Variants in LRRC69 observed in about 807,000 individuals in gnomAD.
The protein encoded by LRRC69 is leucine rich repeat containing 69, also known as leucine-rich repeat-containing protein 69.
In LRRC69, 42 loss-of-function variants were observed where a neutral mutation model predicts 37.8. The observed-to-expected ratio is 1.11, with a 90% CI of 0.87 to 1.44. The LOEUF is 1.44. LRRC69 is among the 40% of genes most tolerant of loss of function. The probability of loss-of-function intolerance (pLI) is 0.00; values close to 1 mark genes in which losing one functional copy is unlikely to be tolerated. For synonymous variants in LRRC69, 141 were observed against 143.1 expected (o/e 0.99, Z 0.11); for missense variants, 357 against 401.9 (o/e 0.89, Z 0.96).
At chr8:91,188,244 T>C (rs1809436320) in intron 5 of LRRC69, among the ~76,000 whole-genome samples, 1 of 152,230 alleles carries the variant, frequency 6.6e-6, no homozygotes, top group Non-Finnish European at 1.5e-5. Context: ...TTTCCTGTAC[T>C]TTTGAAACCT....
intron 5 of LRRC69, among the ~76,000 whole-genome samples, chr8:91,182,410 T>C (rs796691261): frequency 1.3e-5 from 2 of 152,274 alleles, no homozygotes; most frequent in African/African-American, 4.8e-5. Flanking sequence ...ACTAAAACAT[T>C]ATAATACAAA....
chr8:91,133,166 GAGAACTTTGTTTTC>G lies in LRRC69; in HGVS notation c.441_454del (p.Arg147SerfsTer2), dbSNP rs561080000. On this transcript the variant is annotated frameshift_variant, in exon 4 of 8. Coordinates refer to ENST00000448384, the Ensembl canonical transcript of LRRC69. LOFTEE classifies it high-confidence loss of function. Reference sequence around the variant, plus strand: ...TATAACCAACTAGCCAGCATTCCTAGAGAACTTTGTTTTCTTGAGAATCTTGTTGAACTTCAACT... The same window carrying G: ...TATAACCAACTAGCCAGCATTCCTAGTTGAGAATCTTGTTGAACTTCAACT... 8.1e-5 allele frequency: 125 copies of G among 1,541,058 alleles called. 2 individuals are homozygous for G. In the South Asian group the frequency reaches 1.3e-3, roughly 16 times the overall value.
At chr8:91,118,510 C>CA (rs1170060617) in intron 1 of LRRC69, 1 of 270,760 alleles carries the variant, frequency 3.7e-6, no homozygotes, top group African/African-American at 2.3e-5. Context: ...GCCTGGGTGA[C>CA]AGAGTGAGAC....
chr8:91,205,223 A>G (rs1201589098), intron 7 of LRRC69, among the ~76,000 whole-genome samples: 1 of 152,178 alleles, frequency 6.6e-6, no homozygotes, highest in Non-Finnish European at 1.5e-5. Context: ...CAAGAGTTAC[A>G]GTGGATAACA....
chr8:91,111,526 T>C (rs186492387), intron 1 of LRRC69, among the ~76,000 whole-genome samples: 26 of 152,060 alleles, frequency 1.7e-4, no homozygotes, highest in African/African-American at 6.3e-4. Context: ...AAAGTGAGAC[T>C]CCATCTCAAA....
intron 6 of LRRC69, among the ~76,000 whole-genome samples, chr8:91,195,016 T>C (rs1054218664): frequency 6.6e-6 from 1 of 152,238 alleles, no homozygotes; most frequent in Admixed American, 6.5e-5. Flanking sequence ...GTGCTTTGCA[T>C]GTGTCCCAGA....
At chr8:91,195,022 C>T (rs1421497172) in intron 6 of LRRC69, among the ~76,000 whole-genome samples, 9 of 152,082 alleles carry the variant, frequency 5.9e-5, no homozygotes, top group African/African-American at 2.4e-5. Context: ...TGCATGTGTC[C>T]CAGAGATTCT....
chr8:91,160,293 G>T (rs897476079), intron 5 of LRRC69, among the ~76,000 whole-genome samples: 1 of 148,672 alleles, frequency 6.7e-6, no homozygotes, highest in Non-Finnish European at 1.5e-5. Flanking sequence ...GGAATCTTTA[G>T]TTTTTTGTTT....
intron 1 of LRRC69, among the ~76,000 whole-genome samples, chr8:91,114,375 A>C (rs1188851571): frequency 6.6e-6 from 1 of 152,002 alleles, no homozygotes; most frequent in African/African-American, 2.4e-5. Context: ...CGTTATTCAC[A>C]ATAGCCAAGA....
chr8:91,136,256 A>G (rs935802422), intron 5 of LRRC69, among the ~76,000 whole-genome samples: 1 of 151,854 alleles, frequency 6.6e-6, no homozygotes, highest in African/African-American at 2.4e-5. Flanking sequence ...TTCCTATTGC[A>G]TTTTTATATC....
chr8:91,102,829 A>T (rs1426090804), exon 1 of LRRC69: 1 of 1,545,950 alleles, frequency 6.5e-7, no homozygotes, highest in Non-Finnish European at 8.7e-7. Context: ...GTCCAGAGTT[A>T]TGCAACTTGA....
intron 7 of LRRC69, among the ~76,000 whole-genome samples, chr8:91,209,255 C>T (rs892681175): frequency 3.3e-5 from 5 of 151,532 alleles, no homozygotes; most frequent in Admixed American, 2.6e-4. Context: ...GGTGAAACCT[C>T]GTCTCTACTA....
At chr8:91,135,042 G>A (rs1446367606) in intron 4 of LRRC69, among the ~76,000 whole-genome samples, 1 of 152,024 alleles carries the variant, frequency 6.6e-6, no homozygotes, top group Admixed American at 6.6e-5. Flanking sequence ...CGACAGCAAC[G>A]GAAGTAATGC....
At chr8:91,191,952 G>A (rs923095765) in intron 6 of LRRC69, among the ~76,000 whole-genome samples, 7 of 150,808 alleles carry the variant, frequency 4.6e-5, no homozygotes, top group South Asian at 2.1e-4. Flanking sequence ...CCACTAACTC[G>A]TCATCTAGCA....
intron 1 of LRRC69, among the ~76,000 whole-genome samples, chr8:91,113,265 T>A (rs1386860950): frequency 6.6e-6 from 1 of 151,906 alleles, no homozygotes; most frequent in African/African-American, 2.4e-5. Context: ...CAAAACAATA[T>A]TGAGCAAAGA....
At chr8:91,202,906 C>A (rs770768944) in intron 7 of LRRC69, among the ~76,000 whole-genome samples, 1 of 152,068 alleles carries the variant, frequency 6.6e-6, no homozygotes, top group Non-Finnish European at 1.5e-5. Flanking sequence ...AGATGATGAT[C>A]GCAGTGGCAA....
At chr8:91,152,649 C>T (rs35234461) in intron 5 of LRRC69, among the ~76,000 whole-genome samples, 7,957 of 151,194 alleles carry the variant, frequency 0.053, 299 homozygotes, top group Middle Eastern at 0.16. Context: ...AAGTAGTTTT[C>T]TCTAATTCTG....
chr8:91,184,598 T>C (rs1390289920), intron 5 of LRRC69, among the ~76,000 whole-genome samples: 2 of 152,322 alleles, frequency 1.3e-5, no homozygotes, highest in East Asian at 1.9e-4. Flanking sequence ...GCATATCTCA[T>C]GCACATGTGA....
chr8:91,155,455 T>C (rs1031284664), intron 5 of LRRC69, among the ~76,000 whole-genome samples: 9 of 150,858 alleles, frequency 6.0e-5, no homozygotes, highest in African/African-American at 2.2e-4. Flanking sequence ...TTACCTCAAA[T>C]ATTCATCATT....
Sources: gnomAD v4.1 joint callset for allele counts (sites outside exome capture counted in the v4.1 genomes callset) on GRCh38, gnomAD v4.1.1 for gene constraint, MANE v1.5 for transcripts, NCBI Gene and HGNC (gene_info 2026-07-23, HGNC 2026-07-21) for gene names.